ZC2HC1A: variants seen among roughly 807,000 people sequenced by gnomAD.
ZC2HC1A encodes zinc finger C2HC-type containing 1A.
A neutral mutation model predicts 40.7 loss-of-function variants in ZC2HC1A; 28 were observed. The ratio of observed to expected loss-of-function variants is 0.69; its 90% CI spans 0.51 to 0.94. The LOEUF is 0.94. Ranked by LOEUF, ZC2HC1A falls within the 40% of genes least tolerant of loss-of-function variation. The pLI is 0.00. For missense variants in ZC2HC1A, 389 were observed against 386.3 expected (o/e 1.01, Z -0.06); for synonymous variants, 129 against 129.2 (o/e 1.00, Z 0.01).
At chr8:78,691,627 A>AT (rs1173612708) in intron 5 of ZC2HC1A, among the ~76,000 whole-genome samples, 2 of 151,704 alleles carry the variant, frequency 1.3e-5, no homozygotes, top group Non-Finnish European at 2.9e-5. Flanking sequence ...TCCTTTTGTA[A>AT]TTTTTTTAAA....
intron 7 of ZC2HC1A, among the ~76,000 whole-genome samples, chr8:78,699,130 T>G (rs542966135): frequency 0.017 from 70 of 4,176 alleles, 1 homozygote; most frequent in African/African-American, 0.17. Context: ...AAGGTGATTC[T>G]GTTAGGAAAA....
chr8:78,712,111 G>T, intron 7 of ZC2HC1A: 1 of 1,262,998 alleles, frequency 7.9e-7, no homozygotes. Flanking sequence ...TTACAAGTAA[G>T]TATTTGTAAC....
At chr8:78,670,341 CA>C (rs1809408869) in intron 1 of ZC2HC1A, among the ~76,000 whole-genome samples, 1 of 152,048 alleles carries the variant, frequency 6.6e-6, no homozygotes, top group Non-Finnish European at 1.5e-5. Context: ...GAATGAGAGG[CA>C]GAGAAGGACT....
chr8:78,715,452 T>C (rs1586034644), intron 8 of ZC2HC1A, 124 bp downstream of exon 8: 1 of 889,506 alleles, frequency 1.1e-6, no homozygotes, highest in East Asian at 2.8e-5. Context: ...TCTTTTAATC[T>C]GGCTTTTAAG....
At chr8:78,691,245 C>A (rs1450130971) in intron 5 of ZC2HC1A, among the ~76,000 whole-genome samples, 2 of 151,232 alleles carry the variant, frequency 1.3e-5, no homozygotes, top group East Asian at 3.9e-4. Flanking sequence ...TCTTACATTT[C>A]TCTTTAGTTT....
intron 7 of ZC2HC1A, among the ~76,000 whole-genome samples, chr8:78,708,539 C>A (rs1249774834): frequency 6.6e-6 from 1 of 151,802 alleles, no homozygotes; most frequent in Non-Finnish European, 1.5e-5. Flanking sequence ...CAAAAACAAC[C>A]TTTTTAAACC....
intron 3 of ZC2HC1A, chr8:78,679,100 A>C (rs1809679091): frequency 6.6e-6 from 1 of 152,438 alleles, no homozygotes; most frequent in Non-Finnish European, 1.5e-5. Flanking sequence ...TTTTAGCATA[A>C]TAGATACTGC....
At chr8:78,716,277 C>T (rs954757675) in intron 8 of ZC2HC1A, among the ~76,000 whole-genome samples, 2 of 151,432 alleles carry the variant, frequency 1.3e-5, no homozygotes, top group South Asian at 2.1e-4. Context: ...CGCCCGCCAC[C>T]ACGCCTGGCT....
At chr8:78,666,601 C>G (rs932933650) in intron 1 of ZC2HC1A, among the ~76,000 whole-genome samples, 1 of 152,178 alleles carries the variant, frequency 6.6e-6, no homozygotes. Context: ...TCTCCAGCCT[C>G]GAGCTCCTGA....
At chr8:78,692,977 C>T (rs1381952929) in intron 5 of ZC2HC1A, among the ~76,000 whole-genome samples, 1 of 151,898 alleles carries the variant, frequency 6.6e-6, no homozygotes, top group Non-Finnish European at 1.5e-5. Flanking sequence ...TGAGAACATG[C>T]GGTGTTTGGT....
At chr8:78,671,438 C>A (rs1357444965) in intron 1 of ZC2HC1A, among the ~76,000 whole-genome samples, 3 of 152,072 alleles carry the variant, frequency 2.0e-5, no homozygotes, top group Non-Finnish European at 1.5e-5. Context: ...CAATAATCAC[C>A]CCTCTGAATA....
At chr8:78,684,970 A>T (rs929300428) in intron 3 of ZC2HC1A, among the ~76,000 whole-genome samples, 3 of 152,198 alleles carry the variant, frequency 2.0e-5, no homozygotes, top group African/African-American at 7.2e-5. Flanking sequence ...TAAAAATTAG[A>T]CAAGTTGATT....
chr8:78,671,810 A>G (rs1438514602), intron 1 of ZC2HC1A, among the ~76,000 whole-genome samples: 3 of 152,132 alleles, frequency 2.0e-5, no homozygotes, highest in Non-Finnish European at 4.4e-5. Context: ...TACCTGAAGC[A>G]TTCGTTCTAC....
At chr8:78,688,858 CCTAA>C (rs1354969477) in intron 4 of ZC2HC1A, among the ~76,000 whole-genome samples, 1 of 151,986 alleles carries the variant, frequency 6.6e-6, no homozygotes, top group Non-Finnish European at 1.5e-5. Flanking sequence ...ATTATTACTT[CCTAA>C]CTAGTCTGCT....
chr8:78,708,899 C>T (rs1486507859), intron 7 of ZC2HC1A, among the ~76,000 whole-genome samples: 7 of 152,110 alleles, frequency 4.6e-5, no homozygotes, highest in African/African-American at 1.7e-4. Flanking sequence ...CTTCCGACCT[C>T]AAGTGATCCA....
At chr8:78,687,148 G>A (rs1318891571) in intron 4 of ZC2HC1A, among the ~76,000 whole-genome samples, 1 of 151,940 alleles carries the variant, frequency 6.6e-6, no homozygotes, top group East Asian at 1.9e-4. Flanking sequence ...CAAGATTTTT[G>A]CAACCTTGTA....
chr8:78,698,547 T>C, intron 7 of ZC2HC1A, 34 bp downstream of exon 7: 1 of 1,434,448 alleles, frequency 7.0e-7, no homozygotes, highest in East Asian at 2.3e-5. Flanking sequence ...ATTAGTGGTA[T>C]ATAATTAAAC....
At chr8:78,674,249 G>A (rs1809511920) in intron 1 of ZC2HC1A, among the ~76,000 whole-genome samples, 1 of 152,082 alleles carries the variant, frequency 6.6e-6, no homozygotes, top group Non-Finnish European at 1.5e-5. Flanking sequence ...ATTTTTATAA[G>A]ATTTTGCTTT....
At chr8:78,697,804 G>A (rs910825997) in intron 6 of ZC2HC1A, among the ~76,000 whole-genome samples, 1 of 151,242 alleles carries the variant, frequency 6.6e-6, no homozygotes, top group East Asian at 1.9e-4. Context: ...TTAGCCTCCC[G>A]AGTAGCTGGG....
Sources: gnomAD v4.1 joint callset for allele counts (sites outside exome capture counted in the v4.1 genomes callset) on GRCh38, gnomAD v4.1.1 for gene constraint, MANE v1.5 for transcripts, NCBI Gene and HGNC (gene_info 2026-07-23, HGNC 2026-07-21) for gene names.